UBAP2: variants seen among roughly 807,000 people sequenced by gnomAD.
The protein encoded by UBAP2 is ubiquitin-associated protein 2.
UBAP2 carries 75 observed loss-of-function variants against 139.6 expected under a neutral mutation model. That is an observed-to-expected ratio of 0.54 (90% confidence interval 0.45 to 0.65). UBAP2 has a LOEUF of 0.65. Ranked by LOEUF, UBAP2 falls within the 30% of genes least tolerant of loss-of-function variation. The probability of loss-of-function intolerance (pLI) is 0.00; values close to 1 mark genes in which losing one functional copy is unlikely to be tolerated. For synonymous variants in UBAP2, 526 were observed against 526.2 expected, an observed-to-expected ratio of 1.00 and a Z score of 0.01; for missense variants, 1,368 against 1,369.6, an observed-to-expected ratio of 1.00 and a Z score of 0.02.
intron 19 of UBAP2, among the ~76,000 whole-genome samples, 199 bp downstream of exon 19, chr9:33,932,363 A>G (rs763388136): frequency 3.9e-5 from 6 of 152,206 alleles, no homozygotes; most frequent in Non-Finnish European, 1.5e-5. Flanking sequence ...CCCAGGCGCT[A>G]CAAACTTAGA....
At chr9:33,965,300 G>A (rs952749931) in intron 8 of UBAP2, among the ~76,000 whole-genome samples, 1 of 151,974 alleles carries the variant, frequency 6.6e-6, no homozygotes, top group Non-Finnish European at 1.5e-5. Context: ...TTAGGGGGTT[G>A]TTTTCTTATT....
At chr9:33,924,801 T>C (rs1554679477) in intron 22 of UBAP2, among the ~76,000 whole-genome samples, 1 of 152,174 alleles carries the variant, frequency 6.6e-6, no homozygotes, top group Non-Finnish European at 1.5e-5. Flanking sequence ...CTCAAAACAC[T>C]GACATGGCCT....
rs1827237815 is a variant in UBAP2 at position 33,963,650 on chromosome 9, T to C, written c.745+76A>G. 4.7e-6 allele frequency: 4 copies of C among 855,492 alleles called. No individual in the cohort carries two copies. In the Admixed American group the frequency reaches 9.1e-5, roughly 19 times the overall value. 53.0% of individuals were successfully genotyped at this position (855,492 alleles called of 1,614,324 possible). On this transcript the variant is annotated intron_variant, in intron 9 of 28. Coordinates refer to ENST00000379238, the MANE Select transcript of UBAP2 (RefSeq NM_001370062.2). ...CTGATAAATTTTTATTAGCTAGCTT[T>C]GATAAAAAATGAAAGATATTGCAAG...
At chr9:34,020,684 G>A (rs1404720535) in intron 1 of UBAP2, among the ~76,000 whole-genome samples, 1 of 147,826 alleles carries the variant, frequency 6.8e-6, no homozygotes, top group Non-Finnish European at 1.5e-5. Context: ...TTTTGAGACA[G>A]AGTCTGGCTC....
At chr9:34,030,041 C>T (rs1165597790) in intron 1 of UBAP2, among the ~76,000 whole-genome samples, 1 of 151,944 alleles carries the variant, frequency 6.6e-6, no homozygotes. Flanking sequence ...TGGCTCACGC[C>T]TGTAATCCCA....
At chr9:34,027,861 CA>C (rs57271542) in intron 1 of UBAP2, among the ~76,000 whole-genome samples, 113,393 of 129,758 alleles carry the variant, frequency 0.87, 49,257 homozygotes, top group Middle Eastern at 0.94. Flanking sequence ...GACTCCATCT[CA>C]AAAAAAAAAA....
At chr9:34,036,652 G>A (rs1371740554) in intron 1 of UBAP2, among the ~76,000 whole-genome samples, 2 of 152,090 alleles carry the variant, frequency 1.3e-5, no homozygotes, top group Non-Finnish European at 2.9e-5. Context: ...TAACATTGTT[G>A]ACAACTGGCA....
At chr9:33,995,372 T>A (rs1347316257) in intron 4 of UBAP2, 3 of 140,520 alleles carry the variant, frequency 2.1e-5, no homozygotes, top group African/African-American at 5.2e-5. Context: ...TAAATAAATA[T>A]ATAAATATAT....
At chr9:33,926,811 C>T in intron 21 of UBAP2, 147 bp from the exon 22 acceptor site, 1 of 1,024,896 alleles carries the variant, frequency 9.8e-7, no homozygotes, top group South Asian at 1.3e-5. Context: ...CAGATCCTGC[C>T]TTCACGGAGT....
chr9:34,047,834 T>A (rs1482925717), intron 1 of UBAP2, among the ~76,000 whole-genome samples: 1 of 152,202 alleles, frequency 6.6e-6, no homozygotes. Flanking sequence ...AGTAATTTTT[T>A]AAAATCTCTC....
chr9:34,034,127 A>C (rs1826125563), intron 1 of UBAP2, among the ~76,000 whole-genome samples: 1 of 152,188 alleles, frequency 6.6e-6, no homozygotes, highest in Non-Finnish European at 1.5e-5. Context: ...TTTGGCACTC[A>C]AATGTCACAA....
intron 16 of UBAP2, among the ~76,000 whole-genome samples, chr9:33,939,643 C>G (rs1472865786): frequency 1.4e-5 from 2 of 144,070 alleles, no homozygotes; most frequent in Non-Finnish European, 3.0e-5. Context: ...CCCCACTACT[C>G]GGGAGGCTGA....
rs1202612893 is a variant in UBAP2 at position 33,932,581 on chromosome 9, G to A, written c.2156C>T (p.Ser719Phe). 1.2e-6 allele frequency: 2 copies of A among 1,613,964 alleles called. No individual in the cohort carries two copies. The highest frequency in any genetic ancestry group is 8.5e-7 in the Non-Finnish European group (1 of 1,180,046). Residue 719 changes from serine (S) to phenylalanine (F), a missense_variant, in exon 19 of 29, where the codon TCC (serine) becomes TTC (phenylalanine). Physicochemically the swap from Ser to Phe is radical, Grantham distance 155. Coordinates refer to ENST00000379238, the MANE Select transcript of UBAP2 (RefSeq NM_001370062.2). ...ACTTACTGTGTGTGACGTGCTCGAG[G>A]AGAGGGCTGCATGTGCAGAGAGGCT... Reference protein sequence around the residue: ...QSSLSAHAALSSSTSHTHASV... With the variant: ...QSSLSAHAALFSSTSHTHASV...
At chr9:33,951,074 G>A (rs1318311743) in intron 12 of UBAP2, among the ~76,000 whole-genome samples, 1 of 152,186 alleles carries the variant, frequency 6.6e-6, no homozygotes, top group African/African-American at 2.4e-5. Flanking sequence ...GTCAACCCAG[G>A]CTGGAGGGCC....
chr9:33,996,156 G>A, intron 4 of UBAP2, 67 bp downstream of exon 4: 1 of 1,227,188 alleles, frequency 8.1e-7, no homozygotes, highest in East Asian at 2.4e-5. Flanking sequence ...CAAACAAGGT[G>A]AAGTTGAAAA....
chr9:33,931,519 G>A (rs1012718229), intron 19 of UBAP2, among the ~76,000 whole-genome samples: 8 of 152,170 alleles, frequency 5.3e-5, no homozygotes, highest in Non-Finnish European at 8.8e-5. Context: ...TCCTGCTGAG[G>A]TCAGCTCACC....
chr9:34,045,223 G>A (rs1008124319), intron 1 of UBAP2, among the ~76,000 whole-genome samples: 1 of 151,810 alleles, frequency 6.6e-6, no homozygotes. Context: ...GCAGGCGCCA[G>A]TAGTCCCAGG....
At chr9:33,969,921 C>CTTTTTTTTTTTTTTTT (rs1173625005) in intron 8 of UBAP2, among the ~76,000 whole-genome samples, 2 of 46,154 alleles carry the variant, frequency 4.3e-5, no homozygotes, top group Admixed American at 3.4e-4. Flanking sequence ...GTGTATAATT[C>CTTTTTTTTTTTTTTTT]TTTTTTTTTT....
intron 1 of UBAP2, among the ~76,000 whole-genome samples, chr9:34,039,847 T>TAAAAAA (rs74180526): frequency 1.8e-4 from 15 of 84,412 alleles, no homozygotes; most frequent in Non-Finnish European, 2.4e-4. Flanking sequence ...CAATAAATAC[T>TAAAAAA]AAAAAAAAAA....
Sources: allele counts gnomAD v4.1 joint callset (sites outside exome capture counted in the v4.1 genomes callset), GRCh38; gene constraint gnomAD v4.1.1; transcripts MANE v1.5; gene names NCBI Gene and HGNC (gene_info 2026-07-23, HGNC 2026-07-21).